TOX3: variants seen among roughly 807,000 people sequenced by gnomAD.
The protein encoded by TOX3 is CAG trinucleotide repeat-containing gene F9 protein.
TOX3 carries 22 observed loss-of-function variants against 64.3 expected under a neutral mutation model. That is an observed-to-expected ratio of 0.34 (90% CI 0.24 to 0.49). The LOEUF (loss-of-function observed/expected upper bound fraction) is 0.49, where lower values mean the gene tolerates loss of function less well. Ranked by LOEUF, TOX3 falls within the 20% of genes least tolerant of loss-of-function variation. TOX3 has a pLI of 0.99. For missense variants in TOX3, 661 were observed against 714.4 expected (o/e 0.93, Z 0.85); for synonymous variants, 291 against 273.6 (o/e 1.06, Z -0.63).
At chr16:52,530,281 T>C (rs1962821599) in intron 1 of TOX3, among the ~76,000 whole-genome samples, 1 of 152,092 alleles carries the variant, frequency 6.6e-6, no homozygotes, top group Non-Finnish European at 1.5e-5. Flanking sequence ...AATCAGGCCA[T>C]GAGTTTTGCC....
intron 1 of TOX3, among the ~76,000 whole-genome samples, chr16:52,502,540 T>C (rs1466852431): frequency 6.6e-6 from 1 of 152,196 alleles, no homozygotes; most frequent in Non-Finnish European, 1.5e-5. Flanking sequence ...CCATTTTTAA[T>C]AAAAAGCAGT....
rs549680384 is a variant in TOX3 at position 52,450,364 on chromosome 16, G to A, written c.591C>T (p.His197=). The change falls in exon 4 of 7, where the codon CAC becomes CAT. Residue 197 remains histidine, a synonymous_variant. Transcript: ENST00000219746. ...TGCTTGCTGGAGGTGAAGGAGATGT[G>A]TGAGGCATACTGGCACCTCCCAAAT... is the stretch of plus-strand genomic sequence containing the variant. ...GLNLGGASMP[H]TSPSPPASKS... 1.2e-6 allele frequency: 2 copies of A among 1,614,036 alleles called. No individual in the cohort carries two copies. Among genetic ancestry groups the A allele is most frequent in the South Asian group, 2.2e-5 (2 of 91,090 alleles).
At chr16:52,456,565 C>A (rs534739930) in intron 3 of TOX3, among the ~76,000 whole-genome samples, 9 of 152,110 alleles carry the variant, frequency 5.9e-5, no homozygotes, top group Non-Finnish European at 1.3e-4. Flanking sequence ...GATGAAAGAG[C>A]CTCTTTGTCT....
intron 1 of TOX3, among the ~76,000 whole-genome samples, chr16:52,469,882 A>T (rs976183375): frequency 2.6e-5 from 4 of 152,222 alleles, no homozygotes; most frequent in African/African-American, 9.7e-5. Flanking sequence ...GGGATCCAAG[A>T]ACTAAGCAGG....
At position 52,439,887 on chromosome 16, in the gene TOX3, G is replaced by A. The variant is rs984683447; in HGVS notation, c.1069C>T (p.Leu357Phe). ...LASTNLTSSL[L>F]LNTPLSQHGT... Reference sequence around the variant, plus strand: ...TGTTGAGACAGTGGAGTGTTGAGAAGGAGAGAGGATGTTAGATTGGTCGAC... The same window carrying A: ...TGTTGAGACAGTGGAGTGTTGAGAAAGAGAGAGGATGTTAGATTGGTCGAC... Residue 357 changes from leucine (L) to phenylalanine (F), a missense_variant, in exon 7 of 7, where the codon CTT becomes TTT. By Grantham distance (22) the Leu-to-Phe change is conservative. Transcript: ENST00000219746. 5 of 1,613,630 alleles carry A rather than the reference G, an allele frequency of 3.1e-6. No individual in the cohort carries two copies. The highest frequency in any genetic ancestry group is 3.3e-5 in the Admixed American group (2 of 60,018).
At chr16:52,494,067 C>G (rs1466999029) in intron 1 of TOX3, among the ~76,000 whole-genome samples, 3 of 152,190 alleles carry the variant, frequency 2.0e-5, no homozygotes, top group African/African-American at 7.2e-5. Flanking sequence ...ATTATCTCTT[C>G]TTCCAACTCC....
intron 1 of TOX3, among the ~76,000 whole-genome samples, chr16:52,516,216 A>T (rs1962450622): frequency 6.6e-6 from 1 of 152,224 alleles, no homozygotes; most frequent in African/African-American, 2.4e-5. Context: ...AGATTTTAAA[A>T]ATCATTGCAT....
intron 1 of TOX3, among the ~76,000 whole-genome samples, chr16:52,477,670 G>T (rs1220580505): frequency 2.6e-5 from 4 of 151,988 alleles, no homozygotes; most frequent in African/African-American, 9.7e-5. Context: ...ACTTGCTAGG[G>T]GTCATTGTGT....
Position 52,464,121 on chromosome 16 carries a change from T to C in TOX3, c.221A>G (p.Glu74Gly). ...FEIPPITPPP[E>G]SDPALGMPDV... is the part of the protein sequence containing the mutation. ...CGGCATGCCTAGGGCAGGGTCTGAC[T>C]CTGGAGGAGGCGTGATTGGTGGAAT... The change falls in exon 3 of 7, where the codon GAG becomes GGG. Residue 74 changes from glutamate to glycine, a missense_variant. Physicochemically the swap from Glu to Gly is moderately conservative, Grantham distance 98. Around this residue, in one of 3 missense-constraint regions of TOX3, gnomAD observed 259 missense variants for 261.2 expected, o/e 0.99. Coordinates refer to ENST00000219746, the MANE Select transcript of TOX3 (RefSeq NM_001080430.4). 1 of 1,591,656 alleles carries C rather than the reference T, an allele frequency of 6.3e-7. No homozygotes were observed. Among genetic ancestry groups the C allele is most frequent in the Admixed American group, 1.8e-5 (1 of 56,564 alleles).
At chr16:52,508,909 T>G (rs963453843) in intron 1 of TOX3, among the ~76,000 whole-genome samples, 9 of 152,248 alleles carry the variant, frequency 5.9e-5, no homozygotes, top group African/African-American at 1.9e-4. Flanking sequence ...AATAAAAAAG[T>G]GTACAAGCCC....
At chr16:52,538,036 GTCTTTT>G (rs1962995272) in intron 1 of TOX3, among the ~76,000 whole-genome samples, 1 of 152,146 alleles carries the variant, frequency 6.6e-6, no homozygotes, top group South Asian at 2.1e-4. Context: ...TTTGACTGAA[GTCTTTT>G]TCTCACTTGC....
At chr16:52,452,239 C>T (rs1247447698) in intron 3 of TOX3, among the ~76,000 whole-genome samples, 1 of 152,130 alleles carries the variant, frequency 6.6e-6, no homozygotes, top group African/African-American at 2.4e-5. Flanking sequence ...AGAGTTTCAA[C>T]TTTTTCTACG....
intron 1 of TOX3, among the ~76,000 whole-genome samples, chr16:52,475,969 C>A (rs1406096994): frequency 1.3e-5 from 2 of 152,172 alleles, no homozygotes; most frequent in Non-Finnish European, 2.9e-5. Flanking sequence ...TCATTTTAGA[C>A]TAATATGGAA....
At chr16:52,529,834 G>C (rs1006924564) in intron 1 of TOX3, among the ~76,000 whole-genome samples, 7 of 152,116 alleles carry the variant, frequency 4.6e-5, no homozygotes, top group Non-Finnish European at 7.3e-5. Context: ...ATTGTAAATA[G>C]AACTTTTTAA....
rs1310295804 is a variant in TOX3 at position 52,439,206 on chromosome 16, C to A, written c.*19G>T. 3 of 1,613,754 alleles carry A rather than the reference C, an allele frequency of 1.9e-6. No individual in the cohort carries two copies. The highest frequency in any genetic ancestry group is 2.2e-5 in the South Asian group (2 of 91,012). On this transcript the variant is annotated 3_prime_UTR_variant, in exon 7 of 7. Coordinates refer to ENST00000219746, the MANE Select transcript of TOX3 (RefSeq NM_001080430.4). ...GCCACTCTCCTTGGTATACGCAAAT[C>A]CGTCTGCCATATGCGTCTTCAGAAA...
intron 6 of TOX3, among the ~76,000 whole-genome samples, chr16:52,441,189 C>T (rs1207963183): frequency 6.6e-6 from 1 of 152,142 alleles, no homozygotes; most frequent in African/African-American, 2.4e-5. Flanking sequence ...TTAACAGTTA[C>T]TATTACCAGA....
intron 6 of TOX3, among the ~76,000 whole-genome samples, chr16:52,441,042 G>A (rs1366388182): frequency 3.3e-5 from 5 of 152,162 alleles, no homozygotes; most frequent in South Asian, 2.1e-4. Context: ...GATTACAGGC[G>A]TGAGCCACTA....
chr16:52,504,839 T>G (rs1962117149), intron 1 of TOX3, among the ~76,000 whole-genome samples: 1 of 151,684 alleles, frequency 6.6e-6, no homozygotes, highest in African/African-American at 2.4e-5. Context: ...GTTTGTTTGT[T>G]TGTTTGTTTG....
At chr16:52,507,983 A>G (rs574474035) in intron 1 of TOX3, among the ~76,000 whole-genome samples, 2 of 152,366 alleles carry the variant, frequency 1.3e-5, no homozygotes, top group South Asian at 2.1e-4. Context: ...TAACAATATT[A>G]TAAATGAGCT....
Sources: gnomAD v4.1 joint callset for allele counts (sites outside exome capture counted in the v4.1 genomes callset) on GRCh38, gnomAD v4.1.1 for gene constraint, gnomAD v4.1.1 regional missense constraint, MANE v1.5 for transcripts, NCBI Gene and HGNC (gene_info 2026-07-23, HGNC 2026-07-21) for gene names.